RGS22: variants seen among roughly 807,000 people sequenced by gnomAD.
The protein encoded by RGS22 is regulator of G-protein signaling 22.
In RGS22, 148 loss-of-function variants were observed where a neutral mutation model predicts 172.9. That is an observed-to-expected ratio of 0.86 (90% CI 0.75 to 0.98). The LOEUF (loss-of-function observed/expected upper bound fraction) is 0.98. RGS22 is among the 50% of genes least tolerant of loss of function. RGS22 has a pLI of 0.00. For synonymous variants in RGS22, 458 were observed against 480.2 expected, an observed-to-expected ratio of 0.95 and a Z score of 0.60; for missense variants, 1,347 against 1,440.8, an observed-to-expected ratio of 0.93 and a Z score of 1.05.
At chr8:100,028,455 CAAAAAA>C (rs201672610) in intron 14 of RGS22, among the ~76,000 whole-genome samples, 6 of 91,820 alleles carry the variant, frequency 6.5e-5, no homozygotes, top group African/African-American at 2.0e-4. Flanking sequence ...ACCTAGGAGA[CAAAAAA>C]AAAAAAAAAA....
intron 2 of RGS22, among the ~76,000 whole-genome samples, chr8:100,101,754 C>A (rs1171448790): frequency 2.6e-5 from 4 of 151,340 alleles, no homozygotes; most frequent in South Asian, 4.2e-4. Flanking sequence ...AGAATGAAGA[C>A]CCCATGTTGA....
At chr8:100,043,686 G>T (rs1290995152) in intron 11 of RGS22, among the ~76,000 whole-genome samples, 1 of 152,090 alleles carries the variant, frequency 6.6e-6, no homozygotes, top group Non-Finnish European at 1.5e-5. Flanking sequence ...TGAGGCAGGA[G>T]AATCGCTTGA....
chr8:100,046,210 CA>C (rs1432849136), intron 11 of RGS22: 2 of 152,070 alleles, frequency 1.3e-5, no homozygotes, highest in African/African-American at 4.8e-5. Context: ...AAATGACACA[CA>C]AAAAACTCTC....
intron 14 of RGS22, among the ~76,000 whole-genome samples, chr8:100,023,675 T>C (rs1563629763): frequency 1.3e-5 from 2 of 152,276 alleles, no homozygotes; most frequent in African/African-American, 2.4e-5. Flanking sequence ...GGTCAAGTGA[T>C]CTTCCCAGCT....
intron 19 of RGS22, 141 bp from the exon 20 acceptor site, chr8:99,996,671 TA>T (rs956876905): frequency 5.5e-6 from 4 of 725,442 alleles, no homozygotes; most frequent in Admixed American, 3.0e-5. Context: ...GGATCAAACT[TA>T]AAAATGGAAG....
chr8:100,018,391 CA>C (rs1817239438), intron 14 of RGS22, among the ~76,000 whole-genome samples: 1 of 150,818 alleles, frequency 6.6e-6, no homozygotes, highest in Non-Finnish European at 1.5e-5. Flanking sequence ...AATTGGAGAG[CA>C]GAAAAAAGAA....
intron 2 of RGS22, among the ~76,000 whole-genome samples, chr8:100,104,356 G>A (rs1300392612): frequency 7.7e-4 from 112 of 145,850 alleles, no homozygotes; most frequent in Middle Eastern, 3.5e-3. Flanking sequence ...GTGTGTGTGT[G>A]TGTGTATTTT....
At chr8:99,997,217 T>G (rs1814491781) in intron 19 of RGS22, among the ~76,000 whole-genome samples, 2 of 152,164 alleles carry the variant, frequency 1.3e-5, no homozygotes, top group African/African-American at 4.8e-5. Context: ...TCCTCACCCT[T>G]CCTTTTGTCT....
At chr8:100,077,183 T>C (rs1296142882) in intron 4 of RGS22, among the ~76,000 whole-genome samples, 1 of 152,276 alleles carries the variant, frequency 6.6e-6, no homozygotes, top group South Asian at 2.1e-4. Flanking sequence ...GTTATCAATT[T>C]CATTGATTTT....
In RGS22 at chr8:100,073,594, T is replaced by C. The variant is rs150891631; in HGVS notation, c.340-1364A>G. ...AGATCTGAAGGACATTTGGATCTTG[T>C]AGTTAGAAAGACTCTGCATAGGCTA... On this transcript the variant is annotated intron_variant, in intron 4 of 27. Transcript: ENST00000360863. Among the ~76,000 whole-genome samples the C allele has an allele frequency of 1.8e-3, 274 of 152,318 alleles. 1 individual carries two copies. Among genetic ancestry groups the C allele is most frequent in the African/African-American group, 6.0e-3 (248 of 41,564 alleles).
intron 2 of RGS22, among the ~76,000 whole-genome samples, chr8:100,094,203 A>G (rs971435837): frequency 1.3e-5 from 2 of 152,178 alleles, no homozygotes; most frequent in African/African-American, 4.8e-5. Flanking sequence ...AAATCATAAG[A>G]CACCTTATTT....
intron 20 of RGS22, among the ~76,000 whole-genome samples, chr8:99,988,774 A>G (rs966891017): frequency 1.3e-5 from 2 of 152,214 alleles, no homozygotes; most frequent in Non-Finnish European, 2.9e-5. Flanking sequence ...GTCTAGATGA[A>G]TGGTGGTGCC....
intron 11 of RGS22, among the ~76,000 whole-genome samples, chr8:100,043,890 A>T (rs908754643): frequency 2.0e-5 from 3 of 152,236 alleles, no homozygotes; most frequent in African/African-American, 7.2e-5. Context: ...ATAAAAGAGG[A>T]TACCTCAATA....
intron 27 of RGS22, among the ~76,000 whole-genome samples, chr8:99,962,059 T>A (rs1810257502): frequency 3.2e-5 from 1 of 31,444 alleles, no homozygotes; most frequent in Non-Finnish European, 6.2e-5. Flanking sequence ...CCCTCAATTT[T>A]TAGTTCTTTT....
At chr8:99,990,462 T>G (rs1250766344) in intron 20 of RGS22, among the ~76,000 whole-genome samples, 1 of 152,070 alleles carries the variant, frequency 6.6e-6, no homozygotes, top group Admixed American at 6.6e-5. Context: ...GGCCGTGGGA[T>G]GGACAAGAAC....
chr8:99,985,408 C>T (rs73274953), intron 21 of RGS22, among the ~76,000 whole-genome samples: 8,391 of 152,188 alleles, frequency 0.055, 328 homozygotes, highest in African/African-American at 0.11. Context: ...TCCCTCATGG[C>T]CCAATGCAAG....
At chr8:100,029,933 G>C (rs536407270) in intron 14 of RGS22, among the ~76,000 whole-genome samples, 3 of 152,054 alleles carry the variant, frequency 2.0e-5, no homozygotes, top group Non-Finnish European at 4.4e-5. Context: ...AACTCAATGG[G>C]TAAGTTAAAT....
At chr8:100,037,658 A>G (rs1819645388) in intron 14 of RGS22, among the ~76,000 whole-genome samples, 1 of 152,234 alleles carries the variant, frequency 6.6e-6, no homozygotes, top group African/African-American at 2.4e-5. Flanking sequence ...AAAAAACTCA[A>G]TTGGGCAGCT....
At chr8:100,035,431 T>C (rs1445540307) in intron 14 of RGS22, among the ~76,000 whole-genome samples, 3 of 152,204 alleles carry the variant, frequency 2.0e-5, no homozygotes, top group Non-Finnish European at 2.9e-5. Flanking sequence ...CCAGTTAGAA[T>C]GGCGTTCATT....
Sources: allele counts gnomAD v4.1 joint callset (sites outside exome capture counted in the v4.1 genomes callset), GRCh38; gene constraint gnomAD v4.1.1; transcripts MANE v1.5; gene names NCBI Gene and HGNC (gene_info 2026-07-23, HGNC 2026-07-21).